Variants in FECH observed in about 807,000 individuals in gnomAD.
FECH encodes ferrochelatase.
Under a neutral mutation model 56.9 loss-of-function variants are expected in FECH, and 40 were observed. The observed-to-expected ratio is 0.70, with a 90% CI of 0.55 to 0.92. The LOEUF is 0.92. Ranked by LOEUF, FECH falls within the 40% of genes least tolerant of loss-of-function variation. The pLI, the probability that FECH is intolerant of heterozygous loss-of-function variation, is 0.00. For missense variants in FECH, 431 were observed against 529.1 expected (o/e 0.81, Z 1.82); for synonymous variants, 175 against 198.6 (o/e 0.88, Z 1.00).
At chr18:57,574,385 T>A (rs756483099) in intron 2 of FECH, among the ~76,000 whole-genome samples, 12 of 152,156 alleles carry the variant, frequency 7.9e-5, no homozygotes, top group Non-Finnish European at 1.8e-4. Flanking sequence ...CTCCTCTCCA[T>A]CCTGCATGTA....
chr18:57,561,288 T>G (rs933538011), intron 6 of FECH, among the ~76,000 whole-genome samples: 1 of 152,214 alleles, frequency 6.6e-6, no homozygotes, highest in African/African-American at 2.4e-5. Flanking sequence ...TTAAACTATA[T>G]TTTTCATTTT....
In FECH at chr18:57,554,832, G is replaced by A. The variant is rs765924091; in HGVS notation, c.912+13C>T. On this transcript the variant is annotated intron_variant, in intron 8 of 10. Coordinates refer to ENST00000262093, the MANE Select transcript of FECH (RefSeq NM_000140.5). ...ATAAGAGCTGGCCGCCCGCCAGTGT[G>A]GAAGCCACTTACCTTGGATTGCCAC... The A allele has an allele frequency of 1.2e-6, 2 of 1,609,496 alleles. No homozygotes were observed. The highest frequency in any genetic ancestry group is 1.7e-5 in the Admixed American group (1 of 60,018).
intron 6 of FECH, among the ~76,000 whole-genome samples, chr18:57,562,195 G>T (rs1390495420): frequency 1.3e-5 from 2 of 152,120 alleles, no homozygotes; most frequent in Admixed American, 6.6e-5. Context: ...ACTTCTACTA[G>T]CAGAACAAAA....
chr18:57,572,517 A>G (rs2051125437), intron 3 of FECH, among the ~76,000 whole-genome samples: 1 of 140,340 alleles, frequency 7.1e-6, no homozygotes, highest in African/African-American at 2.8e-5. Context: ...CGTATGTAAA[A>G]AAAAAAAAAA....
chr18:57,563,099 T>C, intron 5 of FECH, 119 bp from the exon 6 acceptor site: 1 of 769,478 alleles, frequency 1.3e-6, no homozygotes. Flanking sequence ...ACTGAATCAG[T>C]CTAATTACAA....
intron 8 of FECH, 86 bp downstream of exon 8, chr18:57,554,759 T>C: frequency 8.8e-7 from 1 of 1,134,188 alleles, no homozygotes; most frequent in East Asian, 2.4e-5. Context: ...TGACCATGTG[T>C]AAGAGCCAAA....
chr18:57,575,495 T>C (rs886208252), intron 2 of FECH, among the ~76,000 whole-genome samples: 5 of 152,134 alleles, frequency 3.3e-5, no homozygotes, highest in Admixed American at 6.6e-5. Context: ...CAGGCTGGAG[T>C]GCAGTTGCAC....
At chr18:57,554,754 A>C (rs2050846274) in intron 8 of FECH, 91 bp downstream of exon 8, 1 of 1,046,764 alleles carries the variant, frequency 9.6e-7, no homozygotes, top group African/African-American at 1.6e-5. Flanking sequence ...GAGCCTGACC[A>C]TGTGTAAGAG....
rs752500203 is a variant in FECH, at chr18:57,550,886, A to G, written c.1138-40T>C. 7.4e-6 allele frequency: 12 copies of G among 1,611,776 alleles called. No homozygotes were observed. The South Asian group carries it at 1.3e-4, about 18-fold the overall frequency. On this transcript the variant is annotated intron_variant, in intron 10 of 10. Coordinates refer to ENST00000262093, the MANE Select transcript of FECH (RefSeq NM_000140.5). ...AGAGGCAAAGACGCATGAGAAGCAC[A>G]GGGTCTGCTCGTCTGCCATGCCCCC...
intron 7 of FECH, 112 bp from the exon 8 acceptor site, chr18:57,555,064 C>T: frequency 1.2e-6 from 1 of 800,300 alleles, no homozygotes; most frequent in East Asian, 2.6e-5. Flanking sequence ...CCCTTTCTGT[C>T]TCCTGCACCA....
Position 57,546,008 on chromosome 18 carries a change from C to T in FECH, c.*4704G>A, listed in dbSNP as rs2050715697. Among the ~76,000 whole-genome samples, 1 of 152,208 alleles carries T rather than the reference C, an allele frequency of 6.6e-6. No individual in the cohort carries two copies. The highest frequency in any genetic ancestry group is 2.1e-4 in the South Asian group (1 of 4,836). ...ACAGATACTAAAAGTTATCCACACT[C>T]AGGTCTCCATTTTGCTATTAAAAAT... On this transcript the variant is annotated 3_prime_UTR_variant, in exon 11 of 11. Transcript: ENST00000262093.
At chr18:57,555,284 T>G (rs2050854352) in intron 7 of FECH, among the ~76,000 whole-genome samples, 1 of 152,216 alleles carries the variant, frequency 6.6e-6, no homozygotes, top group Non-Finnish European at 1.5e-5. Flanking sequence ...ACAGAAAAGC[T>G]GGGCAGGATG....
At chr18:57,554,503 A>G (rs987344831) in intron 8 of FECH, 79 bp from the exon 9 acceptor site, 104 of 1,494,546 alleles carry the variant, frequency 7.0e-5, no homozygotes, top group Middle Eastern at 2.1e-4. Flanking sequence ...CCCCCTGGGC[A>G]CACGCACTGC....
Position 57,546,138 on chromosome 18 carries a change from C to T in FECH, c.*4574G>A, listed in dbSNP as rs1275678117. The stretch of plus-strand genomic sequence containing the variant: ...CAATGAATTTCCCATTTCCACCTAA[C>T]GTTAGGAGCCCTGTTCCTGGGCCAC... On this transcript the variant is annotated 3_prime_UTR_variant, in exon 11 of 11. Transcript: ENST00000262093. 3.3e-5 allele frequency among the ~76,000 whole-genome samples: 5 copies of T among 152,180 alleles called. No individual in the cohort carries two copies. Among genetic ancestry groups the T allele is most frequent in the Middle Eastern group, 3.2e-3 (1 of 316 alleles).
chr18:57,546,344 C>T lies in FECH; in HGVS notation c.*4368G>A, dbSNP rs543603003. ...GTCGTTGGGCAAGGTGGTCCTTTGCCGCATCGACAGGAGCTCATACGGCAG... is the reference window on the plus strand; with the variant it reads ...GTCGTTGGGCAAGGTGGTCCTTTGCTGCATCGACAGGAGCTCATACGGCAG... On this transcript the variant is annotated 3_prime_UTR_variant, in exon 11 of 11. Transcript: ENST00000262093. 1.6e-4 allele frequency among the ~76,000 whole-genome samples: 24 copies of T among 152,216 alleles called. No homozygotes were observed. Among genetic ancestry groups the T allele is most frequent in the Middle Eastern group, 3.4e-3 (1 of 292 alleles).
intron 4 of FECH, chr18:57,567,868 G>C (rs1043577129): frequency 6.6e-6 from 1 of 152,196 alleles, no homozygotes; most frequent in Non-Finnish European, 1.5e-5. Context: ...AGTATTCTCT[G>C]GTTGGGTACT....
Position 57,573,260 on chromosome 18 carries a change from T to C in FECH, c.300A>G (p.Thr100=), listed in dbSNP as rs1356107174. The C allele has an allele frequency of 2.5e-6, 4 of 1,613,384 alleles. No individual in the cohort carries two copies. In the East Asian group the frequency reaches 6.7e-5, roughly 27 times the overall value. Reference sequence around the variant, plus strand: ...ATATATCTCACTTCTGAATAGGAAGTGTCATGAGGTCTCGGTCCAAGAAGA... The same window carrying C: ...ATATATCTCACTTCTGAATAGGAAGCGTCATGAGGTCTCGGTCCAAGAAGA... ...LRLFLDRDLM[T]LPIQNKLAPF... Residue 100 remains threonine, a synonymous_variant, in exon 3 of 11, where the codon ACA becomes ACG. Coordinates refer to ENST00000262093, the MANE Select transcript of FECH (RefSeq NM_000140.5).
intron 3 of FECH, among the ~76,000 whole-genome samples, chr18:57,571,873 G>A (rs1599004153): frequency 6.6e-6 from 1 of 152,140 alleles, no homozygotes; most frequent in African/African-American, 2.4e-5. Flanking sequence ...CACCTAACGA[G>A]AACTAGGATA....
At chr18:57,557,978 G>A (rs73453648) in intron 7 of FECH, among the ~76,000 whole-genome samples, 3,340 of 152,296 alleles carry the variant, frequency 0.022, 124 homozygotes, top group African/African-American at 0.076. Flanking sequence ...CCAGAAGAGA[G>A]GAATTTATCT....
Sources: gnomAD v4.1 joint callset for allele counts (sites outside exome capture counted in the v4.1 genomes callset) on GRCh38, gnomAD v4.1.1 for gene constraint, MANE v1.5 for transcripts, NCBI Gene and HGNC (gene_info 2026-07-23, HGNC 2026-07-21) for gene names.